ARHGAP33: variants seen among roughly 807,000 people sequenced by gnomAD.
The protein encoded by ARHGAP33 is Rho GTPase activating protein 33.
Under a neutral mutation model 126.2 loss-of-function variants are expected in ARHGAP33, and 57 were observed. The ratio of observed to expected loss-of-function variants is 0.45; its 90% confidence interval spans 0.36 to 0.56. The LOEUF (loss-of-function observed/expected upper bound fraction) is 0.56, where lower values mean the gene tolerates loss of function less well. Ranked by LOEUF, ARHGAP33 falls within the 20% of genes least tolerant of loss-of-function variation. ARHGAP33 has a pLI of 0.00. For missense variants in ARHGAP33, 1,500 were observed against 1,748.3 expected (o/e 0.86, Z 2.53); for synonymous variants, 711 against 755.0 (o/e 0.94, Z 0.95).
intron 1 of ARHGAP33, 111 bp from the exon 2 acceptor site, chr19:35,777,534 A>G (rs1789435583): frequency 1.2e-6 from 1 of 818,958 alleles, no homozygotes. Flanking sequence ...CTTCATGCTC[A>G]GGGCGGTGTG....
chr19:35,785,329 C>T lies in ARHGAP33; in HGVS notation c.1862C>T (p.Pro621Leu). 1 of 1,612,968 alleles carries T rather than the reference C, an allele frequency of 6.2e-7. No individual in the cohort carries two copies. The highest frequency in any genetic ancestry group is 8.5e-7 in the Non-Finnish European group (1 of 1,179,142). The stretch of plus-strand genomic sequence containing the variant: ...GGGGGCACCCGTGCCCCACCGCAGC[C>T]TTCAGGTGAGAGGCTGAGCCATGGG... ...WLGGTRAPPQ[P>L]SGSRPDTVTL... The change falls in exon 18 of 21, where the codon CCT (proline) becomes CTT (leucine). Residue 621 changes from proline to leucine, a missense_variant. Transcript: ENST00000007510.
chr19:35,788,306 G>A lies in ARHGAP33; in HGVS notation c.3741G>A (p.Glu1247=). 6.2e-7 allele frequency: 1 copy of A among 1,608,170 alleles called. No individual in the cohort carries two copies. Among genetic ancestry groups the A allele is most frequent in the Non-Finnish European group, 8.5e-7 (1 of 1,178,360 alleles). Residue 1247 remains glutamate, a synonymous_variant, in exon 21 of 21, where the codon GAG becomes GAA. Transcript: ENST00000007510. The part of the protein sequence containing the change: ...AAPPAYGRGG[E]LHRGSLYRNG... Reference sequence around the variant, plus strand: ...CGCCAGCCTACGGAAGGGGGGGCGAGCTCCACCGAGGGTCCTTGTACAGAA... The same window carrying A: ...CGCCAGCCTACGGAAGGGGGGGCGAACTCCACCGAGGGTCCTTGTACAGAA...
chr19:35,776,824 C>T (rs1971482485), intron 1 of ARHGAP33, among the ~76,000 whole-genome samples: 1 of 152,130 alleles, frequency 6.6e-6, no homozygotes, highest in African/African-American at 2.4e-5. Context: ...GGCATGGAAC[C>T]TGGGATGGGG....
chr19:35,787,238 G>T lies in ARHGAP33; in HGVS notation c.2673G>T (p.Pro891=), dbSNP rs200811520. ...SLLRPGGAPP[P]PPKNPARLMA... ...TGCGCCCTGGGGGTGCCCCACCCCCGCCCCCTAAGAACCCAGCACGCCTCA... is the reference window on the plus strand; with the variant it reads ...TGCGCCCTGGGGGTGCCCCACCCCCTCCCCCTAAGAACCCAGCACGCCTCA... The change falls in exon 21 of 21, where the codon CCG becomes CCT. Residue 891 remains proline (P), a synonymous_variant. Coordinates refer to ENST00000007510, the MANE Select transcript of ARHGAP33 (RefSeq NM_001366178.1). 1.5e-4 allele frequency: 185 copies of T among 1,255,638 alleles called. No homozygotes were observed. In the Middle Eastern group the frequency reaches 1.5e-3, roughly 10 times the overall value. The allele number at this position is 1,255,638 out of a possible 1,614,324, so 77.8% of individuals were successfully genotyped here.
Position 35,782,973 on chromosome 19 carries a change from A to C in ARHGAP33, c.1421+104A>C. 1 of 1,007,686 alleles carries C rather than the reference A, an allele frequency of 9.9e-7. No homozygotes were observed. Among genetic ancestry groups the C allele is most frequent in the Admixed American group, 2.1e-5 (1 of 46,644 alleles). The allele number at this position is 1,007,686 out of a possible 1,614,324, so 62.4% of individuals were successfully genotyped here. Reference sequence around the variant, plus strand: ...TTTATTCATCGAATACGTGTCTATCAAATACCTCCCATGGACCTGGCCCCG... The same window carrying C: ...TTTATTCATCGAATACGTGTCTATCCAATACCTCCCATGGACCTGGCCCCG... On this transcript the variant is annotated intron_variant, in intron 15 of 20. Transcript: ENST00000007510. The surrounding 1 kb of genome is among the most constrained non-coding windows in gnomAD (Gnocchi z 4.1).
In ARHGAP33 at chr19:35,787,665, T is replaced by A; in HGVS notation, c.3100T>A (p.Ser1034Thr). Reference protein sequence around the residue: ...PSQVPTPGFFSPAPRECLPPF... With the variant: ...PSQVPTPGFFTPAPRECLPPF... The stretch of plus-strand genomic sequence containing the variant: ...ACAGGTTCCTACCCCCGGCTTCTTC[T>A]CCCCAGCCCCCAGGGAGTGCCTGCC... The change falls in exon 21 of 21, where the codon TCC becomes ACC. Residue 1034 changes from serine (S) to threonine (T), a missense_variant. Around this residue, in one of 6 missense-constraint regions of ARHGAP33, gnomAD observed 642 missense variants for 634.0 expected, o/e 1.01. Transcript: ENST00000007510. 1 of 1,591,702 alleles carries A rather than the reference T, an allele frequency of 6.3e-7. No individual in the cohort carries two copies. Among genetic ancestry groups the A allele is most frequent in the South Asian group, 1.1e-5 (1 of 87,788 alleles).
At position 35,782,303 on chromosome 19, in the gene ARHGAP33, A is replaced by T; in HGVS notation, c.1086-70A>T. ...CTGCGGGCACTTGGGGGTAGGGGCAAGGGGAGCATGGCCACGTGAGCGAGC... is the reference window on the plus strand; with the variant it reads ...CTGCGGGCACTTGGGGGTAGGGGCATGGGGAGCATGGCCACGTGAGCGAGC... On this transcript the variant is annotated intron_variant, in intron 12 of 20. Coordinates refer to ENST00000007510, the MANE Select transcript of ARHGAP33 (RefSeq NM_001366178.1). The surrounding 1 kb of genome is among the most constrained non-coding windows in gnomAD (Gnocchi z 4.1). The T allele has an allele frequency of 6.5e-7, 1 of 1,547,870 alleles. No homozygotes were observed. The highest frequency in any genetic ancestry group is 1.2e-5 in the South Asian group (1 of 82,454).
At position 35,780,102 on chromosome 19, in the gene ARHGAP33, G is replaced by A. The variant is rs116069162; in HGVS notation, c.502-109G>A. 7.2e-4 allele frequency: 1,042 copies of A among 1,439,500 alleles called. 5 individuals are homozygous for A. In the African/African-American group the frequency reaches 0.014, roughly 19 times the overall value. The allele number at this position is 1,439,500 out of a possible 1,614,324, so 89.2% of individuals were successfully genotyped here. ...TTGACCAATAGCTCTGAGTGACAGG[G>A]GCTCTTGACGGGGGCGGGCAGTGGC... On this transcript the variant is annotated intron_variant, in intron 6 of 20. Coordinates refer to ENST00000007510, the MANE Select transcript of ARHGAP33 (RefSeq NM_001366178.1).
At position 35,782,297 on chromosome 19, in the gene ARHGAP33, G is replaced by A. The variant is rs375435764; in HGVS notation, c.1086-76G>A. The A allele has an allele frequency of 3.9e-6, 6 of 1,532,154 alleles. No homozygotes were observed. In the African/African-American group the frequency reaches 6.8e-5, roughly 17 times the overall value. 94.9% of individuals were successfully genotyped at this position (1,532,154 alleles called of 1,614,324 possible). A position where few individuals can be genotyped will look rare whatever the true frequency, so the allele number is the denominator to read the frequency against. On this transcript the variant is annotated intron_variant, in intron 12 of 20. Coordinates refer to ENST00000007510, the MANE Select transcript of ARHGAP33 (RefSeq NM_001366178.1). The surrounding 1 kb of genome is among the most constrained non-coding windows in gnomAD (Gnocchi z 4.1). ...ATCCACCTGCGGGCACTTGGGGGTAGGGGCAAGGGGAGCATGGCCACGTGA... is the reference window on the plus strand; with the variant it reads ...ATCCACCTGCGGGCACTTGGGGGTAAGGGCAAGGGGAGCATGGCCACGTGA...
rs569446455 is a variant in ARHGAP33 at position 35,782,541 on chromosome 19, G to A, written c.1230+24G>A. 18 of 1,613,182 alleles carry A rather than the reference G, an allele frequency of 1.1e-5. No homozygotes were observed. Among genetic ancestry groups the A allele is most frequent in the Admixed American group, 5.0e-5 (3 of 59,922 alleles). On this transcript the variant is annotated intron_variant, in intron 13 of 20. Coordinates refer to ENST00000007510, the MANE Select transcript of ARHGAP33 (RefSeq NM_001366178.1). This position sits in a 1 kb window ranked among gnomAD's most constrained non-coding sequence, Gnocchi z 4.1. The stretch of plus-strand genomic sequence containing the variant: ...GTGTGAGTAAGGGAGCTGGCGGGAC[G>A]GAGGGGGCCGGGACGCCTCTGGCCC...
rs534886269 is a variant in ARHGAP33 at position 35,776,978 on chromosome 19, A to G, written c.7-667A>G. Among the ~76,000 whole-genome samples, 120 of 152,232 alleles carry G rather than the reference A, an allele frequency of 7.9e-4. No individual in the cohort carries two copies. The Middle Eastern group carries it at 0.01, about 13-fold the overall frequency. On this transcript the variant is annotated intron_variant, in intron 1 of 20. Coordinates refer to ENST00000007510, the MANE Select transcript of ARHGAP33 (RefSeq NM_001366178.1). ...AATGTACCCAGGGAAAGGTGGGGCG[A>G]GTGTTCCAGGCTGAGGGAACAGCCT...
In ARHGAP33 at chr19:35,784,261, C is replaced by T. The variant is rs140445323; in HGVS notation, c.1511C>T (p.Thr504Ile). ...VQSVVVEFLL[T>I]HVDVLFSDTF... is the part of the protein sequence containing the mutation. ...TCGGTGGTGGTGGAGTTTCTGCTCA[C>T]CCATGTGGACGTCCTGTTCAGCGAC... The change falls in exon 16 of 21, where the codon ACC (threonine) becomes ATC (isoleucine). Residue 504 changes from threonine (T) to isoleucine (I), a missense_variant. By Grantham distance (89) the Thr-to-Ile change is moderately conservative. Coordinates refer to ENST00000007510, the MANE Select transcript of ARHGAP33 (RefSeq NM_001366178.1). The T allele has an allele frequency of 2.6e-4, 415 of 1,611,518 alleles. 1 individual carries two copies. Among genetic ancestry groups the T allele is most frequent in the Non-Finnish European group, 4.4e-5 (52 of 1,178,626 alleles).
At chr19:35,777,965 C>A (rs1971547880) in intron 3 of ARHGAP33, 57 bp downstream of exon 3, 6 of 1,574,770 alleles carry the variant, frequency 3.8e-6, no homozygotes, top group Non-Finnish European at 5.2e-6. Context: ...CCCAACCTTG[C>A]AACGATATCA....
At position 35,786,522 on chromosome 19, in the gene ARHGAP33, C is replaced by T. The variant is rs892118823; in HGVS notation, c.2052C>T (p.Ser684=). The T allele has an allele frequency of 1.5e-5, 23 of 1,535,792 alleles. No homozygotes were observed. The highest frequency in any genetic ancestry group is 7.3e-5 in the East Asian group (3 of 40,892). Reference sequence around the variant, plus strand: ...AGAGCCTGTCCTCGTCCTCCTCCTCCGAGTCCTCCTCCTCTGAGTCCTCCT... The same window carrying T: ...AGAGCCTGTCCTCGTCCTCCTCCTCTGAGTCCTCCTCCTCTGAGTCCTCCT... The part of the protein sequence containing the change: ...SCESLSSSSS[S]ESSSSESSSS... The change falls in exon 20 of 21, where the codon TCC becomes TCT. Residue 684 remains serine (S), a synonymous_variant. Transcript: ENST00000007510. This position sits in a 1 kb window ranked among gnomAD's most constrained non-coding sequence, Gnocchi z 7.0.
Position 35,788,191 on chromosome 19 carries a change from A to C in ARHGAP33, c.3626A>C (p.Lys1209Thr), listed in dbSNP as rs1972227460. The change falls in exon 21 of 21, where the codon AAA becomes ACA. Residue 1209 changes from lysine to threonine, a missense_variant. Coordinates refer to ENST00000007510, the MANE Select transcript of ARHGAP33 (RefSeq NM_001366178.1). ...CCCCCAGTCCCCCGCCTTCCCCAGA[A>C]ACAACGGGCACCCTGGGGACCCCGT... ...PGPPVPRLPQ[K>T]QRAPWGPRTP... is the part of the protein sequence containing the mutation. 1.2e-6 allele frequency: 2 copies of C among 1,605,860 alleles called. No individual in the cohort carries two copies. Among genetic ancestry groups the C allele is most frequent in the African/African-American group, 2.7e-5 (2 of 73,896 alleles).
rs2052498647 is a variant in ARHGAP33, at chr19:35,780,636, G to A, written c.757G>A (p.Gly253Ser). The A allele has an allele frequency of 1.2e-6, 2 of 1,612,754 alleles. No homozygotes were observed. Among genetic ancestry groups the A allele is most frequent in the East Asian group, 2.2e-5 (1 of 44,802 alleles). ...ACTCTTCACAGAGCGGCCAGGTCCG[G>A]GCCTGAAGGCGGGTAAGTGCCATGG... ...VELFTERPGP[G>S]LKADADGPPC... Residue 253 changes from glycine to serine, a missense_variant, in exon 9 of 21, where the codon GGC becomes AGC. Physicochemically the swap from Gly to Ser is moderately conservative, Grantham distance 56 (BLOSUM62 0). Around this residue, in one of 6 missense-constraint regions of ARHGAP33, gnomAD observed 281 missense variants for 413.7 expected, o/e 0.68. Transcript: ENST00000007510.
intron 1 of ARHGAP33, among the ~76,000 whole-genome samples, chr19:35,777,017 G>C (rs1971490954): frequency 6.6e-6 from 1 of 152,146 alleles, no homozygotes; most frequent in South Asian, 2.1e-4. Flanking sequence ...CAAAGGCCTA[G>C]AAGGAAATGA....
In ARHGAP33 at chr19:35,786,510, G is replaced by A. The variant is rs546616485; in HGVS notation, c.2040G>A (p.Ser680=). 9.1e-6 allele frequency: 14 copies of A among 1,535,578 alleles called. No individual in the cohort carries two copies. The Admixed American group carries it at 9.8e-5, about 11-fold the overall frequency. Reference sequence around the variant, plus strand: ...CTGGCTCCTGCGAGAGCCTGTCCTCGTCCTCCTCCTCCGAGTCCTCCTCCT... The same window carrying A: ...CTGGCTCCTGCGAGAGCCTGTCCTCATCCTCCTCCTCCGAGTCCTCCTCCT... ...APAGSCESLS[S]SSSSESSSSE... Residue 680 remains serine (S), a synonymous_variant, in exon 20 of 21, where the codon TCG becomes TCA. Transcript: ENST00000007510. The surrounding 1 kb of genome is among the most constrained non-coding windows in gnomAD (Gnocchi z 7.0).
chr19:35,781,446 G>A (rs1036674548), intron 12 of ARHGAP33, among the ~76,000 whole-genome samples, 194 bp downstream of exon 12: 3 of 152,220 alleles, frequency 2.0e-5, no homozygotes, highest in South Asian at 2.1e-4. Flanking sequence ...CACCTGCCAC[G>A]TGCCAGGCAC....
Sources: gnomAD v4.1 joint callset for allele counts (sites outside exome capture counted in the v4.1 genomes callset) on GRCh38, gnomAD v4.1.1 for gene constraint, gnomAD v4.1.1 regional missense constraint, Gnocchi (gnomAD v3.1) non-coding constraint, MANE v1.5 for transcripts, NCBI Gene and HGNC (gene_info 2026-07-23, HGNC 2026-07-21) for gene names.